The following WDFY3 variants were observed in gnomAD, a reference collection of about 807,000 sequenced individuals.
WDFY3 encodes WD repeat and FYVE domain containing 3, also known as WD repeat and FYVE domain-containing protein 3.
Under a neutral mutation model 409.6 loss-of-function variants are expected in WDFY3, and 66 were observed. The ratio of observed to expected loss-of-function variants is 0.16; its 90% CI spans 0.13 to 0.20. WDFY3 has a LOEUF of 0.20. Ranked by LOEUF, WDFY3 falls within the 10% of genes least tolerant of loss-of-function variation. WDFY3 has a pLI of 1.00. For synonymous variants in WDFY3, 1,521 were observed against 1,537.1 expected, an observed-to-expected ratio of 0.99 and a Z score of 0.25; for missense variants, 3,031 against 4,298.1, an observed-to-expected ratio of 0.71 and a Z score of 8.24.
chr4:84,693,303 A>C (rs1729555331), intron 58 of WDFY3, among the ~76,000 whole-genome samples: 1 of 152,212 alleles, frequency 6.6e-6, no homozygotes, highest in South Asian at 2.1e-4. Context: ...TAACTTTCTC[A>C]AAGAAAGTCA....
intron 30 of WDFY3, among the ~76,000 whole-genome samples, chr4:84,768,585 T>C (rs894408169): frequency 6.6e-6 from 1 of 152,200 alleles, no homozygotes; most frequent in Non-Finnish European, 1.5e-5. Flanking sequence ...TTACTGAAGA[T>C]TTTAAGCCCA....
intron 7 of WDFY3, among the ~76,000 whole-genome samples, chr4:84,835,744 T>C (rs995490915): frequency 6.6e-6 from 1 of 152,192 alleles, no homozygotes; most frequent in Non-Finnish European, 1.5e-5. Flanking sequence ...CATTACTCTA[T>C]ACAGCTCTAT....
intron 28 of WDFY3, 22 bp from the exon 29 acceptor site, chr4:84,775,003 A>G (rs779354999): frequency 4.2e-5 from 68 of 1,613,418 alleles, no homozygotes; most frequent in Non-Finnish European, 5.5e-5. Context: ...AGAAGATTTT[A>G]TACACTGTAC....
At position 84,684,052 on chromosome 4, in the gene WDFY3, T is replaced by C. The variant is rs1204469332; in HGVS notation, c.9617A>G (p.Asn3206Ser). ...CTGCTGGCTCCTACCTGTGAACGTG[T>C]TGACACTCACGATAGGGTTCCCATT... Reference protein sequence around the residue: ...SINGNPIVSVNTFTGRSQQII... With the variant: ...SINGNPIVSVSTFTGRSQQII... The change falls in exon 63 of 68, where the codon AAC becomes AGC. Residue 3206 changes from asparagine (N) to serine (S), a missense_variant. This residue lies in a region of WDFY3 where 378 missense variants were observed against 477.3 expected (regional missense o/e 0.79). Transcript: ENST00000295888. 12 of 1,613,698 alleles carry C rather than the reference T, an allele frequency of 7.4e-6. No individual in the cohort carries two copies. Among genetic ancestry groups the C allele is most frequent in the East Asian group, 2.2e-5 (1 of 44,872 alleles).
intron 1 of WDFY3, among the ~76,000 whole-genome samples, chr4:84,947,312 A>T (rs1772986574): frequency 6.8e-6 from 1 of 147,602 alleles, no homozygotes; most frequent in Non-Finnish European, 1.5e-5. Context: ...GGAGATGGAG[A>T]CCATCCTGGC....
intron 46 of WDFY3, among the ~76,000 whole-genome samples, chr4:84,721,873 C>A (rs1734910600): frequency 6.6e-6 from 1 of 152,106 alleles, no homozygotes. Flanking sequence ...AAACATGGTA[C>A]AAGTACACTA....
chr4:84,754,395 TTTC>T (rs1484762350), intron 34 of WDFY3, among the ~76,000 whole-genome samples: 1 of 152,168 alleles, frequency 6.6e-6, no homozygotes, highest in Non-Finnish European at 1.5e-5. Flanking sequence ...TTAAAAAACT[TTTC>T]TTATGTCTTT....
chr4:84,882,906 C>A (rs1763732227), intron 3 of WDFY3, among the ~76,000 whole-genome samples: 1 of 152,018 alleles, frequency 6.6e-6, no homozygotes, highest in Non-Finnish European at 1.5e-5. Context: ...TGGGGTCTCA[C>A]TACGTTGCCC....
chr4:84,841,189 G>C lies in WDFY3; in HGVS notation c.379C>G (p.Leu127Val). ...SEEASRGWML[L>V]TTINLLASSG... ...GAAGCTAACAAATTAATTGTCGTTA[G>C]AAGCATCCAGCCTCTACTGGCTTCT... Residue 127 changes from leucine to valine, a missense_variant, in exon 6 of 68, where the codon CTA becomes GTA. This residue lies in a region of WDFY3 where 1,322 missense variants were observed against 1,697.9 expected (regional missense o/e 0.78). Coordinates refer to ENST00000295888, the MANE Select transcript of WDFY3 (RefSeq NM_014991.6). 6.2e-7 allele frequency: 1 copy of C among 1,612,054 alleles called. No individual in the cohort carries two copies. The highest frequency in any genetic ancestry group is 8.5e-7 in the Non-Finnish European group (1 of 1,179,658).
chr4:84,710,501 G>A (rs1166843634), intron 51 of WDFY3, among the ~76,000 whole-genome samples: 2 of 152,120 alleles, frequency 1.3e-5, no homozygotes, highest in African/African-American at 4.8e-5. Context: ...TCTTTTCTGA[G>A]AGGAAATTAA....
intron 1 of WDFY3, among the ~76,000 whole-genome samples, chr4:84,936,377 T>C (rs1771413429): frequency 6.6e-6 from 1 of 152,002 alleles, no homozygotes; most frequent in Admixed American, 6.6e-5. Context: ...AAAAATTAGC[T>C]GGGCATGGTG....
chr4:84,780,022 G>C, intron 26 of WDFY3, 86 bp downstream of exon 26: 1 of 1,360,842 alleles, frequency 7.3e-7, no homozygotes. Context: ...AATTCTTCCA[G>C]AGTTTCAAAC....
At chr4:84,844,875 C>A (rs1321940690) in intron 5 of WDFY3, among the ~76,000 whole-genome samples, 1 of 152,148 alleles carries the variant, frequency 6.6e-6, no homozygotes, top group Non-Finnish European at 1.5e-5. Context: ...TTAACTGAGT[C>A]ACTACTTACT....
At chr4:84,726,965 A>C in intron 44 of WDFY3, 54 bp from the exon 45 acceptor site, 2 of 1,504,332 alleles carry the variant, frequency 1.3e-6, no homozygotes, top group Middle Eastern at 1.9e-4. Flanking sequence ...ATAAAGAGGA[A>C]CACAAAAATA....
rs765690328 is a variant in WDFY3, at chr4:84,691,683, G to C, written c.9152C>G (p.Ala3051Gly). Reference protein sequence around the residue: ...LIPPTWNKTFAWGYADLSCRL... With the variant: ...LIPPTWNKTFGWGYADLSCRL... ...GCAACTGAGGTCTGCATAGCCCCAAGCAAAAGTTTTATTCCAGGTTGGTGG... is the reference window on the plus strand; with the variant it reads ...GCAACTGAGGTCTGCATAGCCCCAACCAAAAGTTTTATTCCAGGTTGGTGG... Residue 3051 changes from alanine (A) to glycine (G), a missense_variant, in exon 60 of 68, where the codon GCT (alanine) becomes GGT (glycine). Around this residue, in one of 16 missense-constraint regions of WDFY3, gnomAD observed 152 missense variants for 193.5 expected, o/e 0.79. Transcript: ENST00000295888. The C allele has an allele frequency of 6.2e-7, 1 of 1,614,090 alleles. No homozygotes were observed. Among genetic ancestry groups the C allele is most frequent in the Admixed American group, 1.7e-5 (1 of 60,012 alleles).
At chr4:84,744,104 TATATATA>T (rs1351748798) in intron 36 of WDFY3, among the ~76,000 whole-genome samples, 2 of 147,856 alleles carry the variant, frequency 1.4e-5, no homozygotes, top group South Asian at 2.1e-4. Flanking sequence ...TAATATATAG[TATATATA>T]ATATATAAAA....
At position 84,929,317 on chromosome 4, in the gene WDFY3, A is replaced by G. The variant is rs943209692; in HGVS notation, c.-132+2953T>C. 2.6e-5 allele frequency among the ~76,000 whole-genome samples: 4 copies of G among 152,140 alleles called. No homozygotes were observed. The East Asian group carries it at 7.7e-4, about 29-fold the overall frequency. On this transcript the variant is annotated intron_variant, in intron 2 of 67. Transcript: ENST00000295888. Reference sequence around the variant, plus strand: ...TCAGATGACACCACAGGCCTAGCAGATATGTTAGGTGCAGCTTTGTGAGAG... The same window carrying G: ...TCAGATGACACCACAGGCCTAGCAGGTATGTTAGGTGCAGCTTTGTGAGAG...
intron 30 of WDFY3, among the ~76,000 whole-genome samples, chr4:84,766,904 G>T (rs996850212): frequency 6.6e-6 from 1 of 152,210 alleles, no homozygotes; most frequent in Non-Finnish European, 1.5e-5. Context: ...AAGAAATGGA[G>T]CTGAGACATT....
chr4:84,729,251 T>C (rs1330608725), intron 44 of WDFY3, among the ~76,000 whole-genome samples: 3 of 151,956 alleles, frequency 2.0e-5, no homozygotes, highest in Non-Finnish European at 4.4e-5. Context: ...AATGGCAAAA[T>C]ATACATTATT....
Sources: allele counts gnomAD v4.1 joint callset (sites outside exome capture counted in the v4.1 genomes callset), GRCh38; gene constraint gnomAD v4.1.1; regional missense constraint gnomAD v4.1.1; transcripts MANE v1.5; gene names NCBI Gene and HGNC (gene_info 2026-07-23, HGNC 2026-07-21).